ZNF722: variants seen among roughly 807,000 people sequenced by gnomAD.
ZNF722 encodes the protein zinc finger protein 722.
At chr7:64,009,040 CTGTT>C in the ZNF722 span, among the ~76,000 whole-genome samples, 45 of 152,256 alleles carry the variant, frequency 3.0e-4, no homozygotes, top group Admixed American at 2.2e-3. Flanking sequence ...ATTTGGCTCT[CTGTT>C]TGTCTGTTAT....
the ZNF722 span, chr7:64,015,771 T>G: frequency 6.2e-7 from 1 of 1,612,322 alleles, no homozygotes; most frequent in Non-Finnish European, 8.5e-7. Context: ...AGCCTTTAAC[T>G]GCTCCTCAAC....
chr7:64,013,631 CT>C, the ZNF722 span, among the ~76,000 whole-genome samples: 8 of 151,902 alleles, frequency 5.3e-5, no homozygotes, highest in African/African-American at 1.9e-4. Context: ...TATTTTTATG[CT>C]TATATCTTTC....
the ZNF722 span, among the ~76,000 whole-genome samples, chr7:64,004,735 A>G: frequency 1.3e-5 from 2 of 152,006 alleles, no homozygotes; most frequent in African/African-American, 4.8e-5. Flanking sequence ...TGACTTTTGC[A>G]TATATTTGTC....
the ZNF722 span, among the ~76,000 whole-genome samples, chr7:64,012,500 T>A: frequency 6.6e-6 from 1 of 152,204 alleles, no homozygotes; most frequent in African/African-American, 2.4e-5. Flanking sequence ...TATTCCTTTC[T>A]GTTTGTTAGT....
At chr7:64,015,154 A>T in the ZNF722 span, 3 of 1,415,598 alleles carry the variant, frequency 2.1e-6, no homozygotes, top group Non-Finnish European at 3.0e-6. Context: ...AAATGCTGTA[A>T]AAGTGTGGGT....
At chr7:64,005,996 C>T in the ZNF722 span, among the ~76,000 whole-genome samples, 14 of 152,194 alleles carry the variant, frequency 9.2e-5, no homozygotes, top group Admixed American at 3.9e-4. Context: ...GCGTTTCCCA[C>T]GCCTTAGAAT....
chr7:64,004,441 T>A, the ZNF722 span, among the ~76,000 whole-genome samples: 27 of 132,830 alleles, frequency 2.0e-4, no homozygotes, highest in East Asian at 1.3e-3. Flanking sequence ...TATATATATA[T>A]ATATATATAT....
the ZNF722 span, among the ~76,000 whole-genome samples, chr7:64,011,715 C>A: frequency 6.6e-6 from 1 of 152,046 alleles, no homozygotes; most frequent in Admixed American, 6.6e-5. Flanking sequence ...GTGAATCTGA[C>A]AATTATGTGT....
the ZNF722 span, among the ~76,000 whole-genome samples, chr7:64,003,010 C>T: frequency 6.6e-6 from 1 of 152,166 alleles, no homozygotes; most frequent in African/African-American, 2.4e-5. Context: ...AAGCCCATTC[C>T]TGGAACTTTT....
At chr7:64,013,335 AT>A in the ZNF722 span, among the ~76,000 whole-genome samples, 1 of 152,100 alleles carries the variant, frequency 6.6e-6, no homozygotes, top group Admixed American at 6.6e-5. Flanking sequence ...ATACATATAG[AT>A]AGACATAATA....
chr7:64,013,706 T>G, the ZNF722 span, among the ~76,000 whole-genome samples: 1 of 152,126 alleles, frequency 6.6e-6, no homozygotes, highest in African/African-American at 2.4e-5. Context: ...GAATTTTATT[T>G]TTTTATATAT....
At chr7:63,998,849 CT>C in the ZNF722 span, 1 of 1,259,030 alleles carries the variant, frequency 7.9e-7, no homozygotes, top group Non-Finnish European at 1.1e-6. Context: ...TTTGCGGGTC[CT>C]TTTGTGCTTC....
the ZNF722 span, among the ~76,000 whole-genome samples, chr7:64,013,609 A>G: frequency 2.6e-5 from 4 of 152,134 alleles, no homozygotes; most frequent in East Asian, 5.8e-4. Context: ...GTATATTTTT[A>G]TGTTTTATGA....
the ZNF722 span, among the ~76,000 whole-genome samples, chr7:64,007,291 T>G: frequency 6.7e-6 from 1 of 149,838 alleles, no homozygotes; most frequent in Non-Finnish European, 1.5e-5. Context: ...GTGCACAACG[T>G]GCAGGTTTGT....
the ZNF722 span, among the ~76,000 whole-genome samples, chr7:63,999,685 TA>T: frequency 3.3e-5 from 5 of 152,142 alleles, no homozygotes; most frequent in African/African-American, 1.2e-4. Context: ...TATAATAATT[TA>T]CAAGAAATGT....
the ZNF722 span, among the ~76,000 whole-genome samples, chr7:63,999,973 G>A: frequency 2.6e-5 from 4 of 152,080 alleles, no homozygotes; most frequent in African/African-American, 9.7e-5. Flanking sequence ...TTGCATTACA[G>A]GCGTGAGCCA....
the ZNF722 span, among the ~76,000 whole-genome samples, chr7:64,009,689 T>A: frequency 6.6e-6 from 1 of 152,224 alleles, no homozygotes; most frequent in South Asian, 2.1e-4. Flanking sequence ...TCAGGGATAT[T>A]GGTCTAAAAT....
the ZNF722 span, chr7:64,006,141 A>G: frequency 8.2e-6 from 6 of 731,834 alleles, no homozygotes; most frequent in East Asian, 1.6e-4. Context: ...TTTCTATTAA[A>G]TCCTCTTTAC....
chr7:64,000,084 AT>A, the ZNF722 span, among the ~76,000 whole-genome samples: 1 of 149,410 alleles, frequency 6.7e-6, no homozygotes, highest in East Asian at 2.0e-4. Context: ...CTGTTTAAAT[AT>A]TTTTACACTG....
Sources: gnomAD v4.1 joint callset for allele counts (sites outside exome capture counted in the v4.1 genomes callset) on GRCh38, gnomAD v4.1.1 for gene constraint, MANE v1.5 for transcripts, NCBI Gene and HGNC (gene_info 2026-07-23, HGNC 2026-07-21) for gene names.